PRKCB: variants seen among roughly 807,000 people sequenced by gnomAD.
The protein encoded by PRKCB is protein kinase C beta, also known as protein kinase C beta type.
PRKCB carries 13 observed loss-of-function variants against 81.5 expected under a neutral mutation model. That is an observed-to-expected ratio of 0.16 (90% confidence interval 0.10 to 0.25). The LOEUF (loss-of-function observed/expected upper bound fraction) is 0.25. Ranked by LOEUF, PRKCB falls within the 10% of genes least tolerant of loss-of-function variation. The pLI is 1.00. For synonymous variants in PRKCB, 335 were observed against 321.4 expected (o/e 1.04, Z -0.45); for missense variants, 509 against 875.7 (o/e 0.58, Z 5.29).
At chr16:24,028,658 A>G (rs1355140828) in intron 3 of PRKCB, among the ~76,000 whole-genome samples, 1 of 152,242 alleles carries the variant, frequency 6.6e-6, no homozygotes, top group Non-Finnish European at 1.5e-5. Flanking sequence ...TCAATAGTTC[A>G]TTCCTTTTTA....
At chr16:23,977,289 G>T (rs1246706974) in intron 2 of PRKCB, among the ~76,000 whole-genome samples, 1 of 152,182 alleles carries the variant, frequency 6.6e-6, no homozygotes, top group African/African-American at 2.4e-5. Context: ...GTGGGGAAAA[G>T]CAGGTGGTGG....
intron 2 of PRKCB, among the ~76,000 whole-genome samples, chr16:23,891,787 GC>G (rs1474343214): frequency 6.6e-6 from 1 of 152,150 alleles, no homozygotes; most frequent in African/African-American, 2.4e-5. Flanking sequence ...TCTTAATGAA[GC>G]CACTTGTGAA....
intron 12 of PRKCB, among the ~76,000 whole-genome samples, chr16:24,176,081 G>C (rs188714239): frequency 6.6e-6 from 1 of 151,948 alleles, no homozygotes; most frequent in Non-Finnish European, 1.5e-5. Flanking sequence ...ATGGGAAGTG[G>C]GGACCTTGTC....
intron 2 of PRKCB, among the ~76,000 whole-genome samples, chr16:23,961,523 T>C (rs1181765800): frequency 6.6e-6 from 1 of 152,146 alleles, no homozygotes; most frequent in Non-Finnish European, 1.5e-5. Context: ...ACTACATCAG[T>C]GGTATAGGAC....
At chr16:24,158,039 A>G (rs1967190471) in intron 10 of PRKCB, among the ~76,000 whole-genome samples, 1 of 152,110 alleles carries the variant, frequency 6.6e-6, no homozygotes, top group Non-Finnish European at 1.5e-5. Context: ...TTGCTTTCTC[A>G]GTTGTTGAGG....
chr16:24,024,185 C>T (rs962425718), intron 3 of PRKCB, among the ~76,000 whole-genome samples: 1 of 152,164 alleles, frequency 6.6e-6, no homozygotes, highest in Non-Finnish European at 1.5e-5. Context: ...ACCTGGAGGA[C>T]ATTATGCTAA....
intron 5 of PRKCB, among the ~76,000 whole-genome samples, chr16:24,083,440 T>G (rs1405853121): frequency 1.3e-5 from 2 of 152,206 alleles, no homozygotes; most frequent in African/African-American, 2.4e-5. Context: ...GAAATATTCT[T>G]TAACAGTTGA....
At chr16:23,979,162 T>C (rs952614310) in intron 2 of PRKCB, among the ~76,000 whole-genome samples, 13 of 152,202 alleles carry the variant, frequency 8.5e-5, no homozygotes, top group Admixed American at 3.3e-4. Flanking sequence ...GAAAGTACTA[T>C]CATTGTCCCT....
chr16:23,955,926 A>G (rs182069067), intron 2 of PRKCB, among the ~76,000 whole-genome samples: 13 of 152,142 alleles, frequency 8.5e-5, no homozygotes, highest in Admixed American at 7.9e-4. Flanking sequence ...TTCTCATTCC[A>G]GGTTTGTATT....
chr16:24,169,495 C>T (rs144465700), intron 10 of PRKCB, among the ~76,000 whole-genome samples: 2 of 152,158 alleles, frequency 1.3e-5, no homozygotes, highest in Non-Finnish European at 2.9e-5. Flanking sequence ...CTTCTTCTTT[C>T]TTCTCCAAGC....
intron 10 of PRKCB, among the ~76,000 whole-genome samples, chr16:24,171,155 T>C (rs1198446683): frequency 6.6e-6 from 1 of 152,256 alleles, no homozygotes; most frequent in Non-Finnish European, 1.5e-5. Flanking sequence ...CTTTACCTAG[T>C]TGATCTGGCT....
intron 2 of PRKCB, chr16:23,892,863 T>C (rs1963316971): frequency 6.6e-6 from 1 of 152,116 alleles, no homozygotes; most frequent in South Asian, 2.1e-4. Flanking sequence ...GATCTCAGCC[T>C]ATCACCTATC....
At chr16:23,841,508 G>C (rs981684889) in intron 2 of PRKCB, among the ~76,000 whole-genome samples, 2 of 151,978 alleles carry the variant, frequency 1.3e-5, no homozygotes, top group African/African-American at 4.8e-5. Context: ...TGTTTTTAGA[G>C]ACAGGGTCTC....
chr16:23,959,798 G>C (rs1218934386), intron 2 of PRKCB, among the ~76,000 whole-genome samples: 1 of 152,188 alleles, frequency 6.6e-6, no homozygotes, highest in Non-Finnish European at 1.5e-5. Flanking sequence ...CGATCTTGCA[G>C]GTGCTGGGCT....
At chr16:23,925,807 A>G (rs1468841906) in intron 2 of PRKCB, among the ~76,000 whole-genome samples, 3 of 151,968 alleles carry the variant, frequency 2.0e-5, no homozygotes, top group Non-Finnish European at 4.4e-5. Flanking sequence ...AAGGATGACT[A>G]TTACTCAACA....
intron 10 of PRKCB, among the ~76,000 whole-genome samples, chr16:24,155,815 C>A (rs560612325): frequency 4.6e-5 from 7 of 152,302 alleles, no homozygotes; most frequent in Admixed American, 3.9e-4. Context: ...TGACCTGTAG[C>A]ATTTTCACAG....
chr16:24,035,281 G>C, intron 4 of PRKCB, 138 bp from the exon 5 acceptor site: 2 of 1,090,128 alleles, frequency 1.8e-6, no homozygotes, highest in Non-Finnish European at 2.6e-6. Context: ...CAGGCAAGTT[G>C]GTCTCAGCCA....
intron 9 of PRKCB, among the ~76,000 whole-genome samples, chr16:24,127,537 C>G (rs1966846668): frequency 6.6e-6 from 1 of 151,672 alleles, no homozygotes; most frequent in Admixed American, 6.6e-5. Flanking sequence ...AGTTCATGTA[C>G]TACGCCTGTT....
chr16:23,963,005 C>T, intron 2 of PRKCB: 1 of 152,222 alleles, frequency 6.6e-6, no homozygotes, highest in Admixed American at 6.5e-5. Flanking sequence ...ATTTGGTTTT[C>T]CAGTCCTGAG....
Sources: allele counts gnomAD v4.1 joint callset (sites outside exome capture counted in the v4.1 genomes callset), GRCh38; gene constraint gnomAD v4.1.1; transcripts MANE v1.5; gene names NCBI Gene and HGNC (gene_info 2026-07-23, HGNC 2026-07-21).